Variants in USP24 observed in about 807,000 individuals in gnomAD.
The protein encoded by USP24 is ubiquitin specific peptidase 24, also known as ubiquitin carboxyl-terminal hydrolase 24.
A neutral mutation model predicts 361.6 loss-of-function variants in USP24; 97 were observed. The observed-to-expected ratio is 0.27, with a 90% CI of 0.23 to 0.32. The LOEUF is 0.32. Ranked by LOEUF, USP24 falls within the 10% of genes least tolerant of loss-of-function variation. The pLI, the probability that USP24 is intolerant of heterozygous loss-of-function variation, is 1.00. For missense variants in USP24, 2,353 were observed against 3,165.6 expected (o/e 0.74, Z 6.16); for synonymous variants, 1,098 against 1,124.6 (o/e 0.98, Z 0.47).
intron 2 of USP24, among the ~76,000 whole-genome samples, chr1:55,177,277 G>A (rs1650085395): frequency 6.6e-6 from 1 of 152,142 alleles, no homozygotes. Context: ...TAAGTTCCCT[G>A]TAAAATCATC....
intron 48 of USP24, 46 bp from the exon 49 acceptor site, chr1:55,097,218 T>C (rs1645516151): frequency 1.3e-6 from 2 of 1,591,068 alleles, no homozygotes; most frequent in African/African-American, 1.3e-5. Context: ...TACTAACATA[T>C]ACAGCAGTAC....
At chr1:55,171,534 G>T in intron 5 of USP24, 22 bp downstream of exon 5, 1 of 1,590,588 alleles carries the variant, frequency 6.3e-7, no homozygotes, top group Non-Finnish European at 8.6e-7. Context: ...TCTATAAAAA[G>T]ATGAAACTAA....
chr1:55,088,946 C>T (rs1424150886), intron 55 of USP24, among the ~76,000 whole-genome samples: 1 of 151,234 alleles, frequency 6.6e-6, no homozygotes, highest in Non-Finnish European at 1.5e-5. Context: ...TGGAGTCTCG[C>T]TCTGTTGCCA....
intron 1 of USP24, among the ~76,000 whole-genome samples, chr1:55,187,915 C>T (rs1115058): frequency 0.056 from 8,558 of 152,120 alleles, 283 homozygotes; most frequent in African/African-American, 0.093. Flanking sequence ...TTGCAAAAAA[C>T]GACAATCTAA....
intron 7 of USP24, among the ~76,000 whole-genome samples, chr1:55,165,263 A>G (rs1187763279): frequency 6.6e-6 from 1 of 152,132 alleles, no homozygotes; most frequent in East Asian, 1.9e-4. Context: ...CAAGTACGTA[A>G]TAGTTTTTAG....
At chr1:55,136,098 T>C (rs897493896) in intron 28 of USP24, among the ~76,000 whole-genome samples, 3 of 151,178 alleles carry the variant, frequency 2.0e-5, no homozygotes, top group African/African-American at 7.3e-5. Flanking sequence ...AAAAATAAAG[T>C]AGGGAAGGGA....
intron 7 of USP24, among the ~76,000 whole-genome samples, chr1:55,163,273 T>C (rs1051132894): frequency 3.3e-5 from 5 of 151,852 alleles, no homozygotes; most frequent in Admixed American, 3.3e-4. Context: ...AAGGAAAAAT[T>C]TGACTACGTA....
intron 43 of USP24, 26 bp downstream of exon 43, chr1:55,101,558 C>T (rs753171913): frequency 6.3e-6 from 10 of 1,586,294 alleles, no homozygotes; most frequent in South Asian, 1.2e-5. Context: ...TCTATCGTAC[C>T]AAAAAGGATA....
At chr1:55,079,357 G>T (rs542601703) in intron 60 of USP24, among the ~76,000 whole-genome samples, 181 bp downstream of exon 60, 2 of 152,314 alleles carry the variant, frequency 1.3e-5, no homozygotes, top group South Asian at 4.1e-4. Context: ...TCTGGACCTT[G>T]GCTGAACAGA....
chr1:55,073,111 A>G (rs550123128), intron 64 of USP24: 3 of 475,806 alleles, frequency 6.3e-6, no homozygotes, highest in Admixed American at 7.6e-5. Flanking sequence ...TCAGAAGATG[A>G]AAAGAGTTCT....
chr1:55,083,941 T>G, intron 56 of USP24, 53 bp from the exon 57 acceptor site: 1 of 1,347,868 alleles, frequency 7.4e-7, no homozygotes, highest in Non-Finnish European at 1.0e-6. Context: ...AAGACAGACA[T>G]TTATAACAGG....
intron 38 of USP24, among the ~76,000 whole-genome samples, chr1:55,111,235 T>G (rs1469456605): frequency 6.6e-6 from 1 of 152,088 alleles, no homozygotes; most frequent in African/African-American, 2.4e-5. Flanking sequence ...ACGTAATTTT[T>G]TAAATTATGC....
chr1:55,201,895 T>C (rs1291425010), intron 1 of USP24, among the ~76,000 whole-genome samples: 2 of 152,262 alleles, frequency 1.3e-5, no homozygotes, highest in Non-Finnish European at 1.5e-5. Flanking sequence ...TCCTACCCTA[T>C]CTCTGCCAAC....
At chr1:55,071,109 G>T in intron 67 of USP24, 3 of 981,682 alleles carry the variant, frequency 3.1e-6, no homozygotes, top group Non-Finnish European at 3.6e-6. Flanking sequence ...ATGAGGATCC[G>T]AAAGATAACA....
intron 1 of USP24, among the ~76,000 whole-genome samples, chr1:55,187,439 A>T (rs998233617): frequency 1.3e-5 from 2 of 152,218 alleles, no homozygotes; most frequent in Admixed American, 6.5e-5. Flanking sequence ...TGGAGTGTCT[A>T]GTCAAGGCAA....
In USP24 at chr1:55,092,881, A is replaced by T; in HGVS notation, c.6390T>A (p.Asn2130Lys). 6.3e-7 allele frequency: 1 copy of T among 1,591,344 alleles called. No homozygotes were observed. Among genetic ancestry groups the T allele is most frequent in the Non-Finnish European group, 8.5e-7 (1 of 1,171,758 alleles). Reference protein sequence around the residue: ...VRDENLKFMKNRDVYSSDYFS... With the variant: ...VRDENLKFMKKRDVYSSDYFS... ...AATAATCACTACTGTATACATCTCT[A>T]TTCTTCATAAACTTGAGGTTCTCAT... The change falls in exon 53 of 68, where the codon AAT (asparagine) becomes AAA (lysine). Residue 2130 changes from asparagine to lysine, a missense_variant. Transcript: ENST00000294383.
In USP24 at chr1:55,129,492, T is replaced by C; in HGVS notation, c.3620A>G (p.Lys1207Arg). The change falls in exon 32 of 68, where the codon AAA becomes AGA. Residue 1207 changes from lysine to arginine, a missense_variant. Around this residue, in one of 8 missense-constraint regions of USP24, gnomAD observed 949 missense variants for 1,280.5 expected, o/e 0.74. Transcript: ENST00000294383. ...CAKSFCENFLKAGGLSLVVNV... is the reference protein window; with the variant it reads ...CAKSFCENFLRAGGLSLVVNV... ...AAACTCTAACCTCAAACCGCCAGCT[T>C]TGAGGAAGTTTTCACAGAAGGATTT... 2 of 1,613,796 alleles carry C rather than the reference T, an allele frequency of 1.2e-6. No homozygotes were observed. Among genetic ancestry groups the C allele is most frequent in the South Asian group, 1.1e-5 (1 of 91,048 alleles).
rs1204075129 is a variant in USP24 at position 55,162,271 on chromosome 1, A to G, written c.928-7T>C. On this transcript the variant is annotated splice_region_variant and splice_polypyrimidine_tract_variant and intron_variant, in intron 7 of 67. Coordinates refer to ENST00000294383, the MANE Select transcript of USP24 (RefSeq NM_015306.3). ...GAATCAGTGCTGAGACAGCCTGGAA[A>G]AAGACAGTGAAGATTAAAAATACAT... 6.4e-7 allele frequency: 1 copy of G among 1,550,918 alleles called. No homozygotes were observed. Among genetic ancestry groups the G allele is most frequent in the Non-Finnish European group, 8.7e-7 (1 of 1,153,418 alleles).
chr1:55,110,192 A>G lies in USP24; in HGVS notation c.4563T>C (p.Asp1521=), dbSNP rs921037917. 1.9e-6 allele frequency: 3 copies of G among 1,551,094 alleles called. No individual in the cohort carries two copies. The African/African-American group carries it at 4.1e-5, about 21-fold the overall frequency. Residue 1521 remains aspartate (D), a synonymous_variant, in exon 39 of 68, where the codon GAT becomes GAC. Transcript: ENST00000294383. ...TATTAGTCATTTACTTACTTGTCAGATCATCTAATAACTGGCATCTCAAAT... is the reference window on the plus strand; with the variant it reads ...TATTAGTCATTTACTTACTTGTCAGGTCATCTAATAACTGGCATCTCAAAT... ...YFDLRCQLLD[D]LTTSEMEQLR...
Sources: gnomAD v4.1 joint callset for allele counts (sites outside exome capture counted in the v4.1 genomes callset) on GRCh38, gnomAD v4.1.1 for gene constraint, gnomAD v4.1.1 regional missense constraint, MANE v1.5 for transcripts, NCBI Gene and HGNC (gene_info 2026-07-23, HGNC 2026-07-21) for gene names.